Variants in BABAM2 observed in about 807,000 individuals in gnomAD.
BABAM2 encodes BRISC and BRCA1-A complex member 2.
In BABAM2, 31 loss-of-function variants were observed where a neutral mutation model predicts 54.7. That is an observed-to-expected ratio of 0.57 (90% CI 0.43 to 0.77). BABAM2 has a LOEUF of 0.77. Ranked by LOEUF, BABAM2 falls within the 30% of genes least tolerant of loss-of-function variation. The pLI is 0.00. For missense variants in BABAM2, 364 were observed against 455.8 expected (o/e 0.80, Z 1.83); for synonymous variants, 167 against 162.9 (o/e 1.03, Z -0.19).
chr2:28,334,140 C>T (rs1691204755), intron 11 of BABAM2, among the ~76,000 whole-genome samples: 1 of 152,198 alleles, frequency 6.6e-6, no homozygotes, highest in Admixed American at 6.5e-5. Context: ...CGCAGTTGGC[C>T]CTGGCAGGGA....
At chr2:27,931,227 A>G (rs1668069660) in intron 3 of BABAM2, among the ~76,000 whole-genome samples, 1 of 152,002 alleles carries the variant, frequency 6.6e-6, no homozygotes, top group South Asian at 2.1e-4. Flanking sequence ...TTTTTTTGAA[A>G]AAATTATTAA....
intron 7 of BABAM2, among the ~76,000 whole-genome samples, chr2:28,192,480 T>A (rs1381061024): frequency 2.0e-5 from 3 of 151,668 alleles, no homozygotes; most frequent in Non-Finnish European, 4.4e-5. Flanking sequence ...GCAGTCACAA[T>A]TTATGGGTCT....
intron 7 of BABAM2, among the ~76,000 whole-genome samples, chr2:28,224,699 A>G (rs1377330890): frequency 1.3e-5 from 2 of 152,100 alleles, no homozygotes; most frequent in Non-Finnish European, 2.9e-5. Context: ...CCTAAGGTTA[A>G]CAGTAAGAGC....
intron 7 of BABAM2, among the ~76,000 whole-genome samples, chr2:28,160,380 A>G (rs535876611): frequency 6.6e-6 from 1 of 152,286 alleles, no homozygotes; most frequent in African/African-American, 2.4e-5. Flanking sequence ...TCAGACACCT[A>G]TCCAGGTATG....
chr2:28,042,048 A>C (rs1677140916), intron 5 of BABAM2, among the ~76,000 whole-genome samples: 1 of 152,138 alleles, frequency 6.6e-6, no homozygotes, highest in South Asian at 2.1e-4. Context: ...ATATATTTTG[A>C]AGGGAGAGTT....
intron 5 of BABAM2, among the ~76,000 whole-genome samples, chr2:28,041,629 C>A (rs1029553050): frequency 5.3e-5 from 8 of 152,178 alleles, no homozygotes; most frequent in African/African-American, 1.9e-4. Flanking sequence ...ACCTTTTTGC[C>A]ATCCCCTGAA....
intron 3 of BABAM2, among the ~76,000 whole-genome samples, chr2:27,939,994 T>C (rs4390729): frequency 0.64 from 97,450 of 152,074 alleles, 33,291 homozygotes; most frequent in Middle Eastern, 0.8. Flanking sequence ...TGTTGGCCAG[T>C]AAAAGAGTTG....
rs56033618 is a variant in BABAM2, at chr2:28,164,171, G to A, written c.680+34791G>A. Among the ~76,000 whole-genome samples the A allele has an allele frequency of 9.6e-3, 1,461 of 152,278 alleles. 26 individuals are homozygous for A. The highest frequency in any genetic ancestry group is 0.033 in the African/African-American group (1,388 of 41,530). On this transcript the variant is annotated intron_variant, in intron 7 of 11. Transcript: ENST00000379624. ...GTGTCTGGTCACTTCTGTGCATTCC[G>A]TGCAGTCAATAAAATACAGTGTTGA...
chr2:28,269,849 CA>C (rs1016937520), intron 10 of BABAM2, among the ~76,000 whole-genome samples: 8 of 143,180 alleles, frequency 5.6e-5, no homozygotes, highest in Non-Finnish European at 6.0e-5. Flanking sequence ...TTTTTCTTGT[CA>C]TTTTTTTTTT....
chr2:28,041,549 C>G (rs1360942134), intron 5 of BABAM2, among the ~76,000 whole-genome samples: 1 of 152,168 alleles, frequency 6.6e-6, no homozygotes, highest in Non-Finnish European at 1.5e-5. Flanking sequence ...AGAAATTGCT[C>G]ATACCATGGA....
intron 6 of BABAM2, among the ~76,000 whole-genome samples, chr2:28,107,396 A>C (rs904930242): frequency 4.6e-5 from 7 of 152,222 alleles, no homozygotes; most frequent in African/African-American, 1.4e-4. Flanking sequence ...CCTTAACTAA[A>C]ATGCATTAAG....
chr2:27,977,075 A>G (rs1410042429), intron 3 of BABAM2, among the ~76,000 whole-genome samples: 1 of 152,246 alleles, frequency 6.6e-6, no homozygotes, highest in Non-Finnish European at 1.5e-5. Context: ...ATTAAACTCT[A>G]CCACTCAAGA....
Position 28,145,261 on chromosome 2 carries a change from C to T in BABAM2, c.680+15881C>T, listed in dbSNP as rs137861568. 4.9e-3 allele frequency among the ~76,000 whole-genome samples: 752 copies of T among 152,324 alleles called. 4 individuals are homozygous for T. Among genetic ancestry groups the T allele is most frequent in the South Asian group, 0.024 (117 of 4,828 alleles). On this transcript the variant is annotated intron_variant, in intron 7 of 11. Coordinates refer to ENST00000379624, the MANE Select transcript of BABAM2 (RefSeq NM_199191.3). ...CTGCATGTTCTTATATCTGTAAATA[C>T]GCATCTCTTCTCCTTTGTCTCAGCC...
intron 1 of BABAM2, among the ~76,000 whole-genome samples, chr2:27,891,356 G>A (rs1416093232): frequency 6.6e-6 from 1 of 152,118 alleles, no homozygotes; most frequent in African/African-American, 2.4e-5. Context: ...TTAATTGCAA[G>A]AACCTGGATG....
chr2:27,930,873 A>G (rs916821785), intron 3 of BABAM2, among the ~76,000 whole-genome samples: 2 of 152,200 alleles, frequency 1.3e-5, no homozygotes, highest in African/African-American at 2.4e-5. Flanking sequence ...TCTTGAACCT[A>G]TTCTTGTGGT....
intron 7 of BABAM2, among the ~76,000 whole-genome samples, chr2:28,207,611 C>T (rs1336041334): frequency 6.6e-6 from 1 of 152,092 alleles, no homozygotes; most frequent in Non-Finnish European, 1.5e-5. Flanking sequence ...CTTGTCATAG[C>T]AGGTGCTCAA....
At chr2:28,222,741 C>G (rs1374052477) in intron 7 of BABAM2, among the ~76,000 whole-genome samples, 1 of 152,246 alleles carries the variant, frequency 6.6e-6, no homozygotes, top group Admixed American at 6.5e-5. Flanking sequence ...TTGTCCTTGT[C>G]TACAGTTCCC....
At chr2:27,985,172 G>A (rs918679643) in intron 3 of BABAM2, among the ~76,000 whole-genome samples, 5 of 151,310 alleles carry the variant, frequency 3.3e-5, no homozygotes, top group Admixed American at 2.0e-4. Context: ...ATTGTGAATT[G>A]TGCTGCTATA....
At chr2:28,096,712 T>C (rs1666659912) in intron 6 of BABAM2, among the ~76,000 whole-genome samples, 1 of 152,084 alleles carries the variant, frequency 6.6e-6, no homozygotes, top group Non-Finnish European at 1.5e-5. Flanking sequence ...TCCTTTCCTC[T>C]CTTCTTACCC....
Sources: gnomAD v4.1 joint callset for allele counts (sites outside exome capture counted in the v4.1 genomes callset) on GRCh38, gnomAD v4.1.1 for gene constraint, MANE v1.5 for transcripts, NCBI Gene and HGNC (gene_info 2026-07-23, HGNC 2026-07-21) for gene names.